The following TRAF2 variants were observed in gnomAD, a reference collection of about 807,000 sequenced individuals.
The protein encoded by TRAF2 is TNF receptor associated factor 2, also known as TNF receptor-associated factor 2.
Under a neutral mutation model 55.6 loss-of-function variants are expected in TRAF2, and 6 were observed. The ratio of observed to expected loss-of-function variants is 0.11; its 90% CI spans 0.06 to 0.21. The LOEUF is 0.21. Ranked by LOEUF, TRAF2 falls within the 10% of genes least tolerant of loss-of-function variation. TRAF2 has a pLI of 1.00. For missense variants in TRAF2, 561 were observed against 684.5 expected (o/e 0.82, Z 2.01); for synonymous variants, 329 against 276.3 (o/e 1.19, Z -1.89).
At chr9:136,925,644 C>T (rs367874647) in intron 10 of TRAF2, 39 bp from the exon 11 acceptor site, 26 of 1,603,416 alleles carry the variant, frequency 1.6e-5, no homozygotes, top group Non-Finnish European at 2.2e-5. Flanking sequence ...AGAGACGGCC[C>T]ACAGACCTGT....
At chr9:136,902,587 C>CT (rs1849846906) in intron 4 of TRAF2, among the ~76,000 whole-genome samples, 1 of 152,186 alleles carries the variant, frequency 6.6e-6, no homozygotes, top group Non-Finnish European at 1.5e-5. Context: ...CTGGCTGCAC[C>CT]TTTGAGAGCT....
intron 7 of TRAF2, among the ~76,000 whole-genome samples, chr9:136,918,603 TGTG>T (rs1171146793): frequency 6.6e-5 from 10 of 152,100 alleles, no homozygotes; most frequent in Non-Finnish European, 1.3e-4. Flanking sequence ...CAAATTTTGT[TGTG>T]GAAATTTGAA....
chr9:136,919,443 G>GCAC (rs1023381573), intron 7 of TRAF2, among the ~76,000 whole-genome samples: 2 of 151,666 alleles, frequency 1.3e-5, no homozygotes, highest in Non-Finnish European at 2.9e-5. Context: ...TTACAGGCGT[G>GCAC]CACCACCACG....
intron 4 of TRAF2, among the ~76,000 whole-genome samples, chr9:136,906,781 C>T (rs892906695): frequency 5.3e-5 from 8 of 152,344 alleles, no homozygotes; most frequent in Admixed American, 2.6e-4. Flanking sequence ...TTCCTGTAAG[C>T]GGCACGTTCA....
intron 3 of TRAF2, 72 bp downstream of exon 3, chr9:136,899,744 G>T: frequency 6.8e-7 from 1 of 1,460,102 alleles, no homozygotes; most frequent in Non-Finnish European, 9.4e-7. Context: ...CATGGGTGGG[G>T]CTGGGCACAG....
chr9:136,912,151 C>CT lies in TRAF2; in HGVS notation c.603+2157_603+2158insT, dbSNP rs1468376221. Among the ~76,000 whole-genome samples, 109 of 115,522 alleles carry CT rather than the reference C, an allele frequency of 9.4e-4. 1 individual carries two copies. The highest frequency in any genetic ancestry group is 3.7e-3 in the African/African-American group (98 of 26,708). 75.8% of individuals were successfully genotyped at this position (115,522 alleles called of 152,430 possible). ...ACAGGCGTGAGCCACTGCGTCTGGC[C>CT]CTTTTTTTTTTTTTTTTTTTTTTTT... On this transcript the variant is annotated intron_variant, in intron 6 of 10. Coordinates refer to ENST00000247668, the MANE Select transcript of TRAF2 (RefSeq NM_021138.4).
intron 4 of TRAF2, among the ~76,000 whole-genome samples, chr9:136,907,149 G>A (rs1362718911): frequency 6.6e-6 from 1 of 152,228 alleles, no homozygotes; most frequent in Non-Finnish European, 1.5e-5. Flanking sequence ...TTCCCTCTGT[G>A]TCCTTTTCCC....
intron 1 of TRAF2, among the ~76,000 whole-genome samples, chr9:136,887,972 C>T (rs1168627312): frequency 6.6e-6 from 1 of 151,978 alleles, no homozygotes; most frequent in African/African-American, 2.4e-5. Context: ...TGGGTTCAAG[C>T]GATTTTTCTG....
intron 1 of TRAF2, among the ~76,000 whole-genome samples, chr9:136,895,850 GAAA>G (rs56199191): frequency 0.78 from 102,989 of 132,646 alleles, 39,619 homozygotes; most frequent in East Asian, 0.87. Context: ...TCTGTTTAAG[GAAA>G]AAAAAAAAAA....
At position 136,908,103 on chromosome 9, in the gene TRAF2, A is replaced by G. The variant is rs142528394; in HGVS notation, c.400A>G (p.Thr134Ala). 1.7e-5 allele frequency: 28 copies of G among 1,606,046 alleles called. No homozygotes were observed. In the African/African-American group the frequency reaches 3.6e-4, roughly 21 times the overall value. Reference sequence around the variant, plus strand: ...CGAAGGCCGCTGCCCGCTCATGCTGACCGAATGTCCCGCGTGCAAAGGCCT... The same window carrying G: ...CGAAGGCCGCTGCCCGCTCATGCTGGCCGAATGTCCCGCGTGCAAAGGCCT... ...CHEGRCPLMLTECPACKGLVR... is the reference protein window; with the variant it reads ...CHEGRCPLMLAECPACKGLVR... Residue 134 changes from threonine (T) to alanine (A), a missense_variant, in exon 5 of 11, where the codon ACC (threonine) becomes GCC (alanine). By Grantham distance (58) the Thr-to-Ala change is moderately conservative. Coordinates refer to ENST00000247668, the MANE Select transcript of TRAF2 (RefSeq NM_021138.4).
intron 3 of TRAF2, 70 bp downstream of exon 3, chr9:136,899,742 G>T (rs893594665): frequency 1.3e-6 from 2 of 1,483,184 alleles, no homozygotes; most frequent in Non-Finnish European, 1.9e-6. Flanking sequence ...AACATGGGTG[G>T]GGCTGGGCAC....
At chr9:136,906,764 C>T (rs1032730706) in intron 4 of TRAF2, among the ~76,000 whole-genome samples, 6 of 152,246 alleles carry the variant, frequency 3.9e-5, no homozygotes, top group African/African-American at 4.8e-5. Flanking sequence ...TTCTTGACTT[C>T]TCTGTGTTCC....
rs1396281080 is a variant in TRAF2 at position 136,908,208 on chromosome 9, C to T, written c.505C>T (p.Pro169Ser). 1 of 1,596,242 alleles carries T rather than the reference C, an allele frequency of 6.3e-7. No homozygotes were observed. The highest frequency in any genetic ancestry group is 8.5e-7 in the Non-Finnish European group (1 of 1,178,178). ...CCTGAGCTGCCGGCATTGCCGGGCACCCTGCTGCGGAGCAGACGTGAAGGT... is the reference window on the plus strand; with the variant it reads ...CCTGAGCTGCCGGCATTGCCGGGCATCCTGCTGCGGAGCAGACGTGAAGGT... ...RSLSCRHCRAPCCGADVKAHH... is the reference protein window; with the variant it reads ...RSLSCRHCRASCCGADVKAHH... Residue 169 changes from proline (P) to serine (S), a missense_variant, in exon 5 of 11, where the codon CCC becomes TCC. Around this residue, in one of 2 missense-constraint regions of TRAF2, gnomAD observed 426 missense variants for 476.8 expected, o/e 0.89. Coordinates refer to ENST00000247668, the MANE Select transcript of TRAF2 (RefSeq NM_021138.4).
At chr9:136,920,129 TG>T in intron 7 of TRAF2, 104 bp from the exon 8 acceptor site, 1 of 1,401,932 alleles carries the variant, frequency 7.1e-7, no homozygotes, top group Non-Finnish European at 9.4e-7. Context: ...TCTATGACCC[TG>T]GCCTGTCTCC....
At chr9:136,919,135 A>C (rs1850321102) in intron 7 of TRAF2, among the ~76,000 whole-genome samples, 1 of 151,188 alleles carries the variant, frequency 6.6e-6, no homozygotes, top group African/African-American at 2.4e-5. Flanking sequence ...ATCTCAGCTC[A>C]CTACAGCCTC....
intron 1 of TRAF2, among the ~76,000 whole-genome samples, chr9:136,893,248 G>A (rs545619152): frequency 5.9e-5 from 9 of 152,292 alleles, no homozygotes; most frequent in South Asian, 2.1e-4. Flanking sequence ...GAGCCCCAGC[G>A]TCCCTTCTGT....
chr9:136,912,199 G>A (rs1425991497), intron 6 of TRAF2, among the ~76,000 whole-genome samples: 1 of 122,032 alleles, frequency 8.2e-6, no homozygotes, highest in Non-Finnish European at 1.6e-5. Flanking sequence ...GTCTCACTCT[G>A]TCGTCAGGCT....
intron 6 of TRAF2, among the ~76,000 whole-genome samples, chr9:136,916,160 G>A (rs1298799443): frequency 6.6e-6 from 1 of 152,148 alleles, no homozygotes; most frequent in African/African-American, 2.4e-5. Flanking sequence ...GTGTCATCCT[G>A]TACCACCACG....
At chr9:136,912,556 C>T (rs980823967) in intron 6 of TRAF2, among the ~76,000 whole-genome samples, 52 of 152,070 alleles carry the variant, frequency 3.4e-4, no homozygotes, top group African/African-American at 1.2e-3. Context: ...ATTAAAAATA[C>T]CTACTGAGCA....
Sources: allele counts gnomAD v4.1 joint callset (sites outside exome capture counted in the v4.1 genomes callset), GRCh38; gene constraint gnomAD v4.1.1; regional missense constraint gnomAD v4.1.1; transcripts MANE v1.5; gene names NCBI Gene and HGNC (gene_info 2026-07-23, HGNC 2026-07-21).